JMJD1C: variants seen among roughly 807,000 people sequenced by gnomAD.
The protein encoded by JMJD1C is jumonji domain containing 1C.
JMJD1C carries 31 observed loss-of-function variants against 245.3 expected under a neutral mutation model. That is an observed-to-expected ratio of 0.13 (90% CI 0.09 to 0.17). The LOEUF (loss-of-function observed/expected upper bound fraction) is 0.17. Ranked by LOEUF, JMJD1C falls within the 10% of genes least tolerant of loss-of-function variation. The pLI is 1.00. For synonymous variants in JMJD1C, 1,057 were observed against 1,017.4 expected (o/e 1.04, Z -0.74); for missense variants, 2,691 against 3,000.2 (o/e 0.90, Z 2.41).
intron 1 of JMJD1C, among the ~76,000 whole-genome samples, chr10:63,419,834 TA>T (rs34006135): frequency 0.021 from 2,428 of 114,418 alleles, 24 homozygotes; most frequent in African/African-American, 0.039. Flanking sequence ...CTCCATGAAA[TA>T]AAAAAAAAAA....
intron 1 of JMJD1C, among the ~76,000 whole-genome samples, chr10:63,397,630 C>A (rs1438000780): frequency 2.0e-5 from 3 of 151,980 alleles, no homozygotes; most frequent in Non-Finnish European, 2.9e-5. Flanking sequence ...AATTCCTGGG[C>A]TCAAACAATC....
chr10:63,516,988 T>TTC (rs1469989402), intron 1 of JMJD1C, among the ~76,000 whole-genome samples: 1 of 152,196 alleles, frequency 6.6e-6, no homozygotes, highest in Non-Finnish European at 1.5e-5. Context: ...AAGAACAGCT[T>TTC]TCTTCTGTTA....
intron 2 of JMJD1C, among the ~76,000 whole-genome samples, chr10:63,279,187 T>A (rs1589371378): frequency 6.6e-6 from 1 of 152,008 alleles, no homozygotes; most frequent in South Asian, 2.1e-4. Flanking sequence ...GAGGCAGAGG[T>A]TGCAGTGAGC....
intron 2 of JMJD1C, among the ~76,000 whole-genome samples, chr10:63,361,054 C>T (rs1006034249): frequency 3.3e-5 from 5 of 152,328 alleles, no homozygotes; most frequent in South Asian, 4.1e-4. Context: ...CTTAAAACTA[C>T]AATTTTTAAA....
At chr10:63,229,791 T>C (rs1237557323) in intron 3 of JMJD1C, among the ~76,000 whole-genome samples, 1 of 152,216 alleles carries the variant, frequency 6.6e-6, no homozygotes, top group Non-Finnish European at 1.5e-5. Context: ...CATTTTTGCA[T>C]TCCAATAATA....
intron 3 of JMJD1C, chr10:63,223,146 CCAAA>C (rs878986672): frequency 1.6e-5 from 9 of 554,624 alleles, no homozygotes; most frequent in East Asian, 6.2e-5. Context: ...AAAAAAAAAC[CCAAA>C]CAAACAAAAA....
chr10:63,317,253 C>T (rs1249947409), intron 2 of JMJD1C, among the ~76,000 whole-genome samples: 2 of 151,978 alleles, frequency 1.3e-5, no homozygotes, highest in African/African-American at 4.8e-5. Context: ...TGCCTGTAAT[C>T]CCAGCACTTT....
chr10:63,271,522 A>C (rs1011684704), intron 2 of JMJD1C, among the ~76,000 whole-genome samples: 16 of 152,038 alleles, frequency 1.1e-4, no homozygotes, highest in Non-Finnish European at 2.1e-4. Context: ...GAGAAATCTC[A>C]ATTTCAGTAA....
chr10:63,377,101 G>A (rs1479314915), intron 2 of JMJD1C, among the ~76,000 whole-genome samples: 1 of 152,182 alleles, frequency 6.6e-6, no homozygotes, highest in Non-Finnish European at 1.5e-5. Context: ...TAAAAAGGAA[G>A]AAAATTGTGA....
rs565025105 is a variant in JMJD1C at position 63,256,880 on chromosome 10, G to C, written c.447+7771C>G. Among the ~76,000 whole-genome samples the C allele has an allele frequency of 3.3e-3, 506 of 152,314 alleles. 2 individuals are homozygous for C. Among genetic ancestry groups the C allele is most frequent in the Non-Finnish European group, 5.8e-3 (394 of 68,030 alleles). On this transcript the variant is annotated intron_variant, in intron 3 of 25. Transcript: ENST00000399262. Reference sequence around the variant, plus strand: ...TGGAAAAGGGAGATGCATATGAAAAGTCAGGGAGTAACTGGGAATGTGTTC... The same window carrying C: ...TGGAAAAGGGAGATGCATATGAAAACTCAGGGAGTAACTGGGAATGTGTTC...
chr10:63,514,325 T>C (rs1954954359), intron 1 of JMJD1C, among the ~76,000 whole-genome samples: 2 of 152,080 alleles, frequency 1.3e-5, no homozygotes, highest in South Asian at 4.1e-4. Flanking sequence ...ACACATGCAC[T>C]CACATATTGA....
intron 1 of JMJD1C, chr10:63,521,673 G>A (rs1564987180): frequency 1.1e-6 from 1 of 924,762 alleles, no homozygotes; most frequent in Non-Finnish European, 1.5e-6. Context: ...CCTGGGCCTG[G>A]GCGGGGACGG....
At chr10:63,448,920 C>G (rs1478233572) in intron 1 of JMJD1C, among the ~76,000 whole-genome samples, 1 of 152,048 alleles carries the variant, frequency 6.6e-6, no homozygotes, top group Non-Finnish European at 1.5e-5. Flanking sequence ...AGTTCGAGCC[C>G]AGCCTGGCCA....
chr10:63,439,716 G>A (rs1010314365), intron 1 of JMJD1C, among the ~76,000 whole-genome samples: 11 of 152,026 alleles, frequency 7.2e-5, no homozygotes, highest in Non-Finnish European at 1.5e-4. Context: ...AAAACAGACC[G>A]TATAATTCTC....
At chr10:63,278,840 CAA>C (rs113538798) in intron 2 of JMJD1C, among the ~76,000 whole-genome samples, 1,893 of 83,722 alleles carry the variant, frequency 0.023, 37 homozygotes, top group African/African-American at 0.054. Flanking sequence ...ACTCCCATCT[CAA>C]AAAAAAAAAA....
chr10:63,484,691 AAAAAATTGGCACTATCCATG>A (rs1275600090), intron 1 of JMJD1C, among the ~76,000 whole-genome samples: 1 of 152,126 alleles, frequency 6.6e-6, no homozygotes, highest in Non-Finnish European at 1.5e-5. Flanking sequence ...CTTAACTTAA[AAAAAATTGGCACTATCCATG>A]CCAATTTATA....
At chr10:63,317,253 C>A (rs1249947409) in intron 2 of JMJD1C, among the ~76,000 whole-genome samples, 2 of 151,978 alleles carry the variant, frequency 1.3e-5, no homozygotes, top group Non-Finnish European at 2.9e-5. Context: ...TGCCTGTAAT[C>A]CCAGCACTTT....
At chr10:63,185,511 C>T in intron 20 of JMJD1C, 52 bp downstream of exon 20, 1 of 971,912 alleles carries the variant, frequency 1.0e-6, no homozygotes, top group Non-Finnish European at 1.7e-6. Flanking sequence ...TCTCTGGGGA[C>T]AGTCTTAGCT....
intron 1 of JMJD1C, among the ~76,000 whole-genome samples, chr10:63,486,216 A>G (rs1953998699): frequency 6.7e-6 from 1 of 150,114 alleles, no homozygotes; most frequent in East Asian, 2.0e-4. Context: ...AGGAAGTTTG[A>G]GAAATTCATT....
Sources: gnomAD v4.1 joint callset for allele counts (sites outside exome capture counted in the v4.1 genomes callset) on GRCh38, gnomAD v4.1.1 for gene constraint, MANE v1.5 for transcripts, NCBI Gene and HGNC (gene_info 2026-07-23, HGNC 2026-07-21) for gene names.